The following RGPD3 variants were observed in gnomAD, a reference collection of about 807,000 sequenced individuals.
The protein encoded by RGPD3 is RANBP2 like and GRIP domain containing 3.
Under a neutral mutation model 154.5 loss-of-function variants are expected in RGPD3, and 62 were observed. The observed-to-expected ratio is 0.40, with a 90% CI of 0.33 to 0.50. RGPD3 has a LOEUF of 0.50. RGPD3 is among the 20% of genes least tolerant of loss of function. RGPD3 has a pLI of 0.59. For missense variants in RGPD3, 919 were observed against 1,716.8 expected, an observed-to-expected ratio of 0.54 and a Z score of 8.21; for synonymous variants, 308 against 607.0, an observed-to-expected ratio of 0.51 and a Z score of 7.24.
Position 106,405,076 on chromosome 2 carries a change from T to G in RGPD3, c.*143A>C, listed in dbSNP as rs1676465298. On this transcript the variant is annotated 3_prime_UTR_variant, in exon 23 of 23. Coordinates refer to ENST00000409886, the MANE Select transcript of RGPD3 (RefSeq NM_001144013.2). The stretch of plus-strand genomic sequence containing the variant: ...TAAATGCAAACATATACACACTTTT[T>G]GACAAAAGAATGATGGTAATACACA... 1 of 959,988 alleles carries G rather than the reference T, an allele frequency of 1.0e-6. No homozygotes were observed. The highest frequency in any genetic ancestry group is 2.6e-5 in the Admixed American group (1 of 38,484). 59.5% of individuals were successfully genotyped at this position (959,988 alleles called of 1,614,324 possible).
chr2:106,424,670 C>T lies in RGPD3; in HGVS notation c.3297G>A (p.Leu1099=), dbSNP rs774558910. 14 of 1,612,012 alleles carry T rather than the reference C, an allele frequency of 8.7e-6. No individual in the cohort carries two copies. The highest frequency in any genetic ancestry group is 1.2e-5 in the Non-Finnish European group (14 of 1,179,862). ...CTTTTAGTACTTGTTCTCTTTGCAT[C>T]AGCATTCTTACTTTGCCATTGACCT... The part of the protein sequence containing the change: ...KNEVNGKVRM[L]MQREQVLKVC... Residue 1099 remains leucine (L), a synonymous_variant, in exon 20 of 23, where the codon CTG becomes CTA. Coordinates refer to ENST00000409886, the MANE Select transcript of RGPD3 (RefSeq NM_001144013.2).
chr2:106,443,978 G>A (rs1677837739), intron 7 of RGPD3, among the ~76,000 whole-genome samples: 1 of 151,510 alleles, frequency 6.6e-6, no homozygotes, highest in South Asian at 2.1e-4. Flanking sequence ...TTATAGGCGT[G>A]AGCCACCATG....
At chr2:106,414,589 T>A (rs1269170347) in intron 21 of RGPD3, among the ~76,000 whole-genome samples, 1 of 148,622 alleles carries the variant, frequency 6.7e-6, no homozygotes, top group Admixed American at 6.8e-5. Flanking sequence ...ACCACTGCAC[T>A]CCAAACCTAG....
chr2:106,468,844 G>A (rs1488673897), upstream of RGPD3, among the ~76,000 whole-genome samples: 1 of 138,870 alleles, frequency 7.2e-6, no homozygotes, highest in African/African-American at 2.6e-5. Context: ...AGACTAAACT[G>A]TGATTTGAGG....
intron 20 of RGPD3, among the ~76,000 whole-genome samples, chr2:106,421,466 T>A (rs73952229): frequency 1.3e-5 from 2 of 150,392 alleles, no homozygotes; most frequent in Admixed American, 6.6e-5. Flanking sequence ...ATCAGAGATT[T>A]TTACTTTATC....
intron 17 of RGPD3, 106 bp from the exon 18 acceptor site, chr2:106,429,887 CTTTT>C: frequency 1.9e-6 from 1 of 521,532 alleles, no homozygotes; most frequent in Non-Finnish European, 3.4e-6. Context: ...CTGATTTTTT[CTTTT>C]TTTCTTTTTT....
intron 22 of RGPD3, among the ~76,000 whole-genome samples, chr2:106,410,792 G>A (rs1676647056): frequency 6.6e-6 from 1 of 151,884 alleles, no homozygotes; most frequent in South Asian, 2.1e-4. Context: ...ATTAAAGACA[G>A]TGAATTTGTA....
chr2:106,446,569 C>CAAA (rs550745664), intron 7 of RGPD3, among the ~76,000 whole-genome samples: 36 of 20,424 alleles, frequency 1.8e-3, no homozygotes, highest in African/African-American at 2.8e-3. Flanking sequence ...GACTCCATCT[C>CAAA]AAAAAAAAAA....
At chr2:106,462,480 T>C (rs1193154831) in intron 1 of RGPD3, among the ~76,000 whole-genome samples, 1 of 151,174 alleles carries the variant, frequency 6.6e-6, no homozygotes, top group Non-Finnish European at 1.5e-5. Context: ...CTTCTTTGCA[T>C]GACAGCAGAT....
At chr2:106,415,674 C>CAAAAAAAAAA (rs879163469) in intron 21 of RGPD3, among the ~76,000 whole-genome samples, 176 bp downstream of exon 21, 6 of 44,748 alleles carry the variant, frequency 1.3e-4, no homozygotes, top group African/African-American at 5.1e-4. Flanking sequence ...AAGACTGTCT[C>CAAAAAAAAAA]AAAAAAAAAA....
At chr2:106,442,823 T>C (rs1677794286) in intron 7 of RGPD3, among the ~76,000 whole-genome samples, 1 of 107,662 alleles carries the variant, frequency 9.3e-6, no homozygotes, top group African/African-American at 3.7e-5. Context: ...ACTTTCTTAA[T>C]TGGTGGTGGA....
Position 106,433,297 on chromosome 2 carries a change from AG to A in RGPD3, c.2206-13del. On this transcript the variant is annotated splice_polypyrimidine_tract_variant and intron_variant, in intron 15 of 22. Coordinates refer to ENST00000409886, the MANE Select transcript of RGPD3 (RefSeq NM_001144013.2). ...AGGGGCACAGGCAACTAAAAATAAA[AG>A]ACATTAATTAAGGGCTTTCATTTGC... 1 of 1,602,304 alleles carries A rather than the reference AG, an allele frequency of 6.2e-7. No individual in the cohort carries two copies. Among genetic ancestry groups the A allele is most frequent in the Non-Finnish European group, 8.5e-7 (1 of 1,177,842 alleles).
At chr2:106,440,935 C>G (rs112257795) in intron 8 of RGPD3, among the ~76,000 whole-genome samples, 4 of 113,062 alleles carry the variant, frequency 3.5e-5, no homozygotes, top group Non-Finnish European at 7.4e-5. Context: ...TCTTCTTCAT[C>G]TTTATATCCC....
At chr2:106,466,182 G>A (rs1387370289) in intron 1 of RGPD3, among the ~76,000 whole-genome samples, 1 of 152,082 alleles carries the variant, frequency 6.6e-6, no homozygotes, top group Admixed American at 6.5e-5. Flanking sequence ...GGAACAAGCC[G>A]GGAGAAAGAG....
At chr2:106,463,630 T>C (rs908277166) in intron 1 of RGPD3, among the ~76,000 whole-genome samples, 1 of 151,382 alleles carries the variant, frequency 6.6e-6, no homozygotes, top group Admixed American at 6.6e-5. Context: ...CTCAAACTGG[T>C]GATAAAGGGA....
In RGPD3 at chr2:106,405,152, C is replaced by T. The variant is rs1676467536; in HGVS notation, c.*67G>A. ...ATTTGGTTAATAAAAACATTCCTTC[C>T]ATCAACCTATCGAAGTCCAAACCAA... On this transcript the variant is annotated 3_prime_UTR_variant, in exon 23 of 23. Coordinates refer to ENST00000409886, the MANE Select transcript of RGPD3 (RefSeq NM_001144013.2). 6.3e-7 allele frequency: 1 copy of T among 1,599,720 alleles called. No individual in the cohort carries two copies. The highest frequency in any genetic ancestry group is 2.2e-5 in the East Asian group (1 of 44,714).
intron 21 of RGPD3, among the ~76,000 whole-genome samples, chr2:106,414,835 G>A (rs1045691484): frequency 6.6e-6 from 1 of 151,412 alleles, no homozygotes; most frequent in Non-Finnish European, 1.5e-5. Flanking sequence ...ATAGCTAGTG[G>A]CCTTGCACAG....
rs1166971652 is a variant in RGPD3, at chr2:106,441,863, C to CAAAAAA, written c.979-489_979-484dup. Reference sequence around the variant, plus strand: ...TGGGTGAAAGAGTGAGACTCCATCGCAAAAAAAAAAAAAAAAAAAAAAAAA... The same window carrying CAAAAAA: ...TGGGTGAAAGAGTGAGACTCCATCGCAAAAAAAAAAAAAAAAAAAAAAAAAAAAAAA... On this transcript the variant is annotated intron_variant, in intron 7 of 22. Coordinates refer to ENST00000409886, the MANE Select transcript of RGPD3 (RefSeq NM_001144013.2). Among the ~76,000 whole-genome samples, 21 of 13,638 alleles carry CAAAAAA rather than the reference C, an allele frequency of 1.5e-3. 1 individual carries two copies. The highest frequency in any genetic ancestry group is 3.0e-3 in the African/African-American group (10 of 3,326). The allele number at this position is 13,638 out of a possible 152,430, so 8.9% of individuals were successfully genotyped here.
chr2:106,441,215 T>G (rs1677732024), intron 8 of RGPD3, 78 bp downstream of exon 8: 3 of 1,580,930 alleles, frequency 1.9e-6, no homozygotes, highest in Non-Finnish European at 2.6e-6. Context: ...CTGGACAGAC[T>G]GAGATTTTAT....
Sources: allele counts gnomAD v4.1 joint callset (sites outside exome capture counted in the v4.1 genomes callset), GRCh38; gene constraint gnomAD v4.1.1; transcripts MANE v1.5; gene names NCBI Gene and HGNC (gene_info 2026-07-23, HGNC 2026-07-21).